Variants in DYNC1I1 observed in about 807,000 individuals in gnomAD.
DYNC1I1 encodes the protein dynein cytoplasmic 1 intermediate chain 1.
DYNC1I1 carries 43 observed loss-of-function variants against 86.6 expected under a neutral mutation model. The observed-to-expected ratio is 0.50, with a 90% confidence interval of 0.39 to 0.64. The LOEUF (loss-of-function observed/expected upper bound fraction) is 0.64. DYNC1I1 is among the 30% of genes least tolerant of loss of function. The probability of loss-of-function intolerance (pLI) is 0.00; values close to 1 mark genes in which losing one functional copy is unlikely to be tolerated. For synonymous variants in DYNC1I1, 262 were observed against 283.7 expected, an observed-to-expected ratio of 0.92 and a Z score of 0.77; for missense variants, 604 against 788.8, an observed-to-expected ratio of 0.77 and a Z score of 2.81.
At chr7:95,947,627 A>G (rs1792438060) in intron 6 of DYNC1I1, among the ~76,000 whole-genome samples, 1 of 152,132 alleles carries the variant, frequency 6.6e-6, no homozygotes, top group African/African-American at 2.4e-5. Context: ...GCATGCACCC[A>G]TAGTGAGGGG....
rs777478919 is a variant in DYNC1I1 at position 95,977,493 on chromosome 7, TTC to T, written c.491-15_491-14del. ...TTGGAGGAAAGAAAATATTGTATTT[TTC>T]TCTTTCTTTTTTCTAGAGGATGAGG... On this transcript the variant is annotated splice_polypyrimidine_tract_variant and intron_variant, in intron 6 of 16. Coordinates refer to ENST00000447467, the MANE Select transcript of DYNC1I1 (RefSeq NM_001135556.2). The T allele has an allele frequency of 3.7e-6, 6 of 1,609,024 alleles. No individual in the cohort carries two copies. Among genetic ancestry groups the T allele is most frequent in the African/African-American group, 1.3e-5 (1 of 74,742 alleles).
At chr7:95,970,999 C>A (rs1793154836) in intron 6 of DYNC1I1, among the ~76,000 whole-genome samples, 1 of 152,076 alleles carries the variant, frequency 6.6e-6, no homozygotes, top group Non-Finnish European at 1.5e-5. Flanking sequence ...TCTTACTAGT[C>A]CCTGATGGAA....
intron 15 of DYNC1I1, 122 bp from the exon 16 acceptor site, chr7:96,080,241 G>A: frequency 2.4e-6 from 3 of 1,255,676 alleles, no homozygotes; most frequent in Non-Finnish European, 3.2e-6. Flanking sequence ...CACAAGGGAT[G>A]TGTATTACTT....
chr7:95,926,435 C>G (rs2116394444), intron 6 of DYNC1I1, among the ~76,000 whole-genome samples: 1 of 152,104 alleles, frequency 6.6e-6, no homozygotes, highest in Admixed American at 6.6e-5. Context: ...TGATTTGATA[C>G]TGATAAAATG....
At chr7:95,835,780 G>A (rs1426700620) in intron 5 of DYNC1I1, among the ~76,000 whole-genome samples, 1 of 151,784 alleles carries the variant, frequency 6.6e-6, no homozygotes, top group Non-Finnish European at 1.5e-5. Flanking sequence ...TTTTATCAGA[G>A]ACTAGGATTG....
At chr7:95,971,004 A>T (rs1793154912) in intron 6 of DYNC1I1, among the ~76,000 whole-genome samples, 1 of 152,170 alleles carries the variant, frequency 6.6e-6, no homozygotes. Flanking sequence ...CTAGTCCCTG[A>T]TGGAAAAGGG....
At chr7:96,035,848 A>G (rs2116017245) in intron 13 of DYNC1I1, 96 bp downstream of exon 13, 6 of 1,564,302 alleles carry the variant, frequency 3.8e-6, no homozygotes, top group Non-Finnish European at 5.2e-6. Flanking sequence ...ATGAGAAAGC[A>G]TCTCTGGAAA....
At chr7:96,059,997 G>T (rs1789715699) in intron 14 of DYNC1I1, among the ~76,000 whole-genome samples, 1 of 152,170 alleles carries the variant, frequency 6.6e-6, no homozygotes, top group Admixed American at 6.5e-5. Context: ...TTGAGCTATA[G>T]CTTATTAGAT....
intron 12 of DYNC1I1, among the ~76,000 whole-genome samples, chr7:96,034,118 G>C (rs898066066): frequency 2.0e-5 from 3 of 151,998 alleles, no homozygotes; most frequent in African/African-American, 7.3e-5. Flanking sequence ...ACAAAATACG[G>C]ATGTAAAGAA....
chr7:96,099,735 C>A (rs1010268740), downstream of DYNC1I1, among the ~76,000 whole-genome samples: 2 of 152,122 alleles, frequency 1.3e-5, no homozygotes, highest in Non-Finnish European at 2.9e-5. Flanking sequence ...CCCAAAGGCC[C>A]ACCTCCAAAA....
At chr7:95,971,520 A>G (rs1355862916) in intron 6 of DYNC1I1, among the ~76,000 whole-genome samples, 1 of 151,936 alleles carries the variant, frequency 6.6e-6, no homozygotes, top group African/African-American at 2.4e-5. Context: ...AAACAGAAAA[A>G]CTCAGGTCTT....
intron 5 of DYNC1I1, among the ~76,000 whole-genome samples, chr7:95,846,059 A>G (rs1303830343): frequency 1.3e-5 from 2 of 152,174 alleles, no homozygotes; most frequent in African/African-American, 2.4e-5. Context: ...GAAGAATTCT[A>G]TAATTTTATA....
chr7:95,823,356 A>T (rs1795121738), intron 4 of DYNC1I1, among the ~76,000 whole-genome samples: 1 of 152,142 alleles, frequency 6.6e-6, no homozygotes, highest in Admixed American at 6.5e-5. Context: ...CACGGAGCAA[A>T]CACTAAGTGA....
At chr7:95,884,676 G>A (rs1233879339) in intron 6 of DYNC1I1, among the ~76,000 whole-genome samples, 1 of 151,944 alleles carries the variant, frequency 6.6e-6, no homozygotes. Context: ...GCTCACACCT[G>A]TAATCCTAGC....
downstream of DYNC1I1, among the ~76,000 whole-genome samples, chr7:96,100,563 G>C (rs1328024958): frequency 6.6e-6 from 1 of 152,000 alleles, no homozygotes; most frequent in South Asian, 2.1e-4. Context: ...AGCCCGGGGA[G>C]TAGCACTGGG....
chr7:95,804,470 G>T, intron 1 of DYNC1I1: 3 of 963,458 alleles, frequency 3.1e-6, no homozygotes, highest in Non-Finnish European at 4.2e-6. Context: ...TCTTGCTTAG[G>T]CCACATAATA....
chr7:96,027,286 G>A (rs1280329338), intron 10 of DYNC1I1, among the ~76,000 whole-genome samples: 1 of 152,166 alleles, frequency 6.6e-6, no homozygotes, highest in Non-Finnish European at 1.5e-5. Flanking sequence ...GAAATGTATT[G>A]ACTAAAAACA....
intron 8 of DYNC1I1, among the ~76,000 whole-genome samples, chr7:95,985,291 A>G (rs6968671): frequency 0.081 from 12,337 of 152,228 alleles, 607 homozygotes; most frequent in Admixed American, 0.11. Flanking sequence ...AAGGAGATTC[A>G]TGTTGTATCT....
At chr7:95,792,510 T>A (rs1020100778) in intron 1 of DYNC1I1, among the ~76,000 whole-genome samples, 5 of 152,190 alleles carry the variant, frequency 3.3e-5, no homozygotes, top group Non-Finnish European at 7.3e-5. Flanking sequence ...CCCTAGTTGC[T>A]ACTCTTAGAT....
Sources: allele counts gnomAD v4.1 joint callset (sites outside exome capture counted in the v4.1 genomes callset), GRCh38; gene constraint gnomAD v4.1.1; transcripts MANE v1.5; gene names NCBI Gene and HGNC (gene_info 2026-07-23, HGNC 2026-07-21).